Variants in ELFN2 observed in about 807,000 individuals in gnomAD.
The protein encoded by ELFN2 is extracellular leucine rich repeat and fibronectin type III domain containing 2.
ELFN2 carries 17 observed loss-of-function variants against 45.5 expected under a neutral mutation model. The observed-to-expected ratio is 0.37, with a 90% confidence interval of 0.26 to 0.56. The LOEUF (loss-of-function observed/expected upper bound fraction) is 0.56, where lower values mean the gene tolerates loss of function less well. ELFN2 is among the 20% of genes least tolerant of loss of function. The pLI, the probability that ELFN2 is intolerant of heterozygous loss-of-function variation, is 0.77. For synonymous variants in ELFN2, 550 were observed against 551.5 expected, an observed-to-expected ratio of 1.00 and a Z score of 0.04; for missense variants, 922 against 1,183.2, an observed-to-expected ratio of 0.78 and a Z score of 3.24.
intron 2 of ELFN2, among the ~76,000 whole-genome samples, chr22:37,403,169 A>C (rs1932407644): frequency 1.3e-5 from 2 of 150,202 alleles, no homozygotes; most frequent in South Asian, 2.1e-4. Context: ...ATGAGGTATC[A>C]CTCCATGATG....
chr22:37,414,213 G>A (rs1255547405), intron 2 of ELFN2, among the ~76,000 whole-genome samples: 2 of 152,198 alleles, frequency 1.3e-5, no homozygotes, highest in African/African-American at 2.4e-5. Context: ...ACAGTGGTGG[G>A]AGGGCAGAGA....
chr22:37,398,455 A>C (rs1601761023), intron 2 of ELFN2, among the ~76,000 whole-genome samples: 1 of 151,886 alleles, frequency 6.6e-6, no homozygotes, highest in Non-Finnish European at 1.5e-5. Context: ...CCTGGGCTCC[A>C]CCACCCCACT....
At chr22:37,352,129 C>A (rs1426218598) in intron 1 of ELFN2, 1 of 151,172 alleles carries the variant, frequency 6.6e-6, no homozygotes, top group African/African-American at 2.4e-5. Flanking sequence ...CCATGCCCTA[C>A]CCTATGGGTG....
downstream of ELFN2, among the ~76,000 whole-genome samples, chr22:37,365,280 C>CA: frequency 6.6e-6 from 1 of 152,196 alleles, no homozygotes. Flanking sequence ...GTTGTTGAGG[C>CA]AGGGGGAGCT....
chr22:37,416,543 G>C (rs1173910277), intron 2 of ELFN2, among the ~76,000 whole-genome samples: 1 of 152,200 alleles, frequency 6.6e-6, no homozygotes, highest in Non-Finnish European at 1.5e-5. Context: ...GGGAGCGAGA[G>C]GGCTCAAGGA....
chr22:37,350,165 C>T lies in ELFN2; in HGVS notation n.149-7462G>A, dbSNP rs141483029. On this transcript the variant is annotated intron_variant and non_coding_transcript_variant, in intron 1 of 2. Coordinates refer to ENST00000452946, the Ensembl canonical transcript of ELFN2. ...GGCCTCACAGACGCCCAGGAGTGAGCGGGTCCAAGGAGAACCTGATGCAAC... is the reference window on the plus strand; with the variant it reads ...GGCCTCACAGACGCCCAGGAGTGAGTGGGTCCAAGGAGAACCTGATGCAAC... Among the ~76,000 whole-genome samples, 632 of 150,992 alleles carry T rather than the reference C, an allele frequency of 4.2e-3. 39 individuals are homozygous for T. The Middle Eastern group carries it at 0.065, about 15-fold the overall frequency.
chr22:37,373,097 C>T lies in ELFN2; in HGVS notation c.2438G>A (p.Gly813Glu), dbSNP rs1931425145. The change falls in exon 3 of 3, where the codon GGG (glycine) becomes GAG (glutamate). Residue 813 changes from glycine (G) to glutamate (E), a missense_variant. Coordinates refer to ENST00000402918, the MANE Select transcript of ELFN2 (RefSeq NM_052906.5). Reference protein sequence around the residue: ...DLHDILDYWKGVSAQQKL With the variant: ...DLHDILDYWKEVSAQQKL ...TCACAGCTTCTGCTGGGCGGAGACC[C>T]CCTTCCAGTAATCAAGGATGTCATG... 7 of 1,603,874 alleles carry T rather than the reference C, an allele frequency of 4.4e-6. No individual in the cohort carries two copies. Among genetic ancestry groups the T allele is most frequent in the Middle Eastern group, 1.7e-4 (1 of 6,026 alleles).
At chr22:37,414,992 G>A (rs1932740254) in intron 2 of ELFN2, among the ~76,000 whole-genome samples, 1 of 152,254 alleles carries the variant, frequency 6.6e-6, no homozygotes, top group Non-Finnish European at 1.5e-5. Flanking sequence ...CTGGCAAGGT[G>A]AAGTAGGGAT....
At chr22:37,418,555 C>T (rs963943605) in intron 1 of ELFN2, among the ~76,000 whole-genome samples, 11 of 151,960 alleles carry the variant, frequency 7.2e-5, no homozygotes, top group Non-Finnish European at 7.4e-5. Context: ...GTCACACCCA[C>T]GTGTGTGTGC....
intron 1 of ELFN2, among the ~76,000 whole-genome samples, chr22:37,343,156 C>G (rs185171311): frequency 6.6e-6 from 1 of 152,146 alleles, no homozygotes; most frequent in Non-Finnish European, 1.5e-5. Flanking sequence ...CACAGCAGGG[C>G]GGCGACTGGA....
In ELFN2 at chr22:37,372,127, C is replaced by G. The variant is rs562002502; in HGVS notation, c.*945G>C. 1 of 152,546 alleles carries G rather than the reference C, an allele frequency of 6.6e-6. No homozygotes were observed. The highest frequency in any genetic ancestry group is 1.5e-5 in the Non-Finnish European group (1 of 68,126). The allele number at this position is 152,546 out of a possible 1,614,324, so 9.4% of individuals were successfully genotyped here. On this transcript the variant is annotated 3_prime_UTR_variant, in exon 3 of 3. Coordinates refer to ENST00000402918, the MANE Select transcript of ELFN2 (RefSeq NM_052906.5). This position sits in a 1 kb window ranked among gnomAD's most constrained non-coding sequence, Gnocchi z 4.4. ...TGGGGCCGGGAGCCTGCACCTGAGA[C>G]GTCCTGGGAGCTGGCCTGCCCGCCA...
chr22:37,375,745 G>C lies in ELFN2; in HGVS notation c.-211C>G. 1 of 624,096 alleles carries C rather than the reference G, an allele frequency of 1.6e-6. No homozygotes were observed. The highest frequency in any genetic ancestry group is 2.8e-6 in the Non-Finnish European group (1 of 361,174). 38.7% of individuals were successfully genotyped at this position (624,096 alleles called of 1,614,324 possible). On this transcript the variant is annotated 5_prime_UTR_variant, in exon 3 of 3. Coordinates refer to ENST00000402918, the MANE Select transcript of ELFN2 (RefSeq NM_052906.5). ...GGCACTAGGCCTGGCTAGGGCTGGG[G>C]GTGGGGGCCCCACAGCCTGCTCCCC... is the stretch of plus-strand genomic sequence containing the variant.
Position 37,373,776 on chromosome 22 carries a change from C to A in ELFN2, c.1759G>T (p.Ala587Ser), listed in dbSNP as rs202143334. Residue 587 changes from alanine (A) to serine (S), a missense_variant, in exon 3 of 3, where the codon GCC (alanine) becomes TCC (serine). Ala to Ser is a moderately conservative substitution (Grantham distance 99). Transcript: ENST00000402918. ...GCCCCGGGGCCAGTGGCTGAGGAGGCGGCAGCAGCTGCAGGGAGGGACTGG... is the reference window on the plus strand; with the variant it reads ...GCCCCGGGGCCAGTGGCTGAGGAGGAGGCAGCAGCTGCAGGGAGGGACTGG... ...ECQSLPAAAA[A>S]SSATGPGALE... is the part of the protein sequence containing the mutation. 1.3e-3 allele frequency: 1,994 copies of A among 1,589,482 alleles called. 28 individuals are homozygous for A. The African/African-American group carries it at 0.023, about 19-fold the overall frequency.
chr22:37,373,942 A>G lies in ELFN2; in HGVS notation c.1593T>C (p.Ala531=). 6.2e-7 allele frequency: 1 copy of G among 1,611,588 alleles called. No individual in the cohort carries two copies. The highest frequency in any genetic ancestry group is 8.5e-7 in the Non-Finnish European group (1 of 1,179,310). Residue 531 remains alanine (A), a synonymous_variant, in exon 3 of 3, where the codon GCT becomes GCC. Transcript: ENST00000402918. ...LPDLENGQGS[A]AEISTIAKEV... ...CCTTGGCAATGGTGGAGATCTCTGC[A>G]GCCGAGCCCTGGCCGTTCTCGAGGT...
intron 2 of ELFN2, among the ~76,000 whole-genome samples, chr22:37,393,154 A>G (rs1932126603): frequency 6.6e-6 from 1 of 152,148 alleles, no homozygotes; most frequent in African/African-American, 2.4e-5. Flanking sequence ...AGCCTCCTGT[A>G]TGTTTACCTG....
intron 1 of ELFN2, among the ~76,000 whole-genome samples, chr22:37,351,578 G>T (rs1480748165): frequency 2.8e-5 from 4 of 143,948 alleles, no homozygotes; most frequent in East Asian, 2.0e-4. Flanking sequence ...ATGCTCCAGC[G>T]TCCCCCCCAC....
chr22:37,353,104 T>TC, intron 1 of ELFN2: 1 of 150,974 alleles, frequency 6.6e-6, no homozygotes, highest in Non-Finnish European at 1.5e-5. Flanking sequence ...TGTTCTCACC[T>TC]CCCCTGCCCC....
chr22:37,420,661 G>C (rs549213366), intron 1 of ELFN2, among the ~76,000 whole-genome samples: 1 of 152,360 alleles, frequency 6.6e-6, no homozygotes, highest in South Asian at 2.1e-4. Context: ...ACCCGTGACC[G>C]CACACGCTGC....
At chr22:37,407,331 A>AGG (rs562750267) in intron 2 of ELFN2, among the ~76,000 whole-genome samples, 75 of 152,216 alleles carry the variant, frequency 4.9e-4, no homozygotes, top group Non-Finnish European at 7.9e-4. Context: ...AGGGCCACTT[A>AGG]TTCTTCAACA....
Sources: gnomAD v4.1 joint callset for allele counts (sites outside exome capture counted in the v4.1 genomes callset) on GRCh38, gnomAD v4.1.1 for gene constraint, Gnocchi (gnomAD v3.1) non-coding constraint, MANE v1.5 for transcripts, NCBI Gene and HGNC (gene_info 2026-07-23, HGNC 2026-07-21) for gene names.